MPHOSPH10: variants seen among roughly 807,000 people sequenced by gnomAD.
MPHOSPH10 encodes the protein U3 small nucleolar ribonucleoprotein MPP10.
In MPHOSPH10, 33 loss-of-function variants were observed where a neutral mutation model predicts 77.3. That is an observed-to-expected ratio of 0.43 (90% CI 0.32 to 0.57). The LOEUF (loss-of-function observed/expected upper bound fraction) is 0.57. Ranked by LOEUF, MPHOSPH10 falls within the 20% of genes least tolerant of loss-of-function variation. MPHOSPH10 has a pLI of 0.07. For missense variants in MPHOSPH10, 708 were observed against 780.1 expected (o/e 0.91, Z 1.10); for synonymous variants, 245 against 268.0 (o/e 0.91, Z 0.84).
intron 1 of MPHOSPH10, among the ~76,000 whole-genome samples, chr2:71,131,825 A>G (rs4302236): frequency 6.6e-6 from 1 of 152,226 alleles, no homozygotes; most frequent in African/African-American, 2.4e-5. Flanking sequence ...TGTAATGTTG[A>G]TTAATCAATT....
At chr2:71,143,165 C>T (rs566018765) in intron 7 of MPHOSPH10, among the ~76,000 whole-genome samples, 7 of 143,914 alleles carry the variant, frequency 4.9e-5, no homozygotes, top group East Asian at 2.0e-4. Flanking sequence ...TTTTTTGAGA[C>T]GGAGTCTTGC....
chr2:71,143,384 G>A (rs1014350025), intron 7 of MPHOSPH10, among the ~76,000 whole-genome samples: 12 of 151,982 alleles, frequency 7.9e-5, no homozygotes, highest in African/African-American at 2.9e-4. Context: ...TCCCGCCTCG[G>A]CCTCCCAAAG....
At chr2:71,146,325 T>C (rs1328975944) in intron 8 of MPHOSPH10, among the ~76,000 whole-genome samples, 2 of 146,358 alleles carry the variant, frequency 1.4e-5, no homozygotes, top group African/African-American at 2.5e-5. Flanking sequence ...CAGCCATTAT[T>C]TTTTGTGGCT....
chr2:71,137,169 A>AT (rs962555575), intron 4 of MPHOSPH10, among the ~76,000 whole-genome samples: 10 of 150,266 alleles, frequency 6.7e-5, no homozygotes, highest in Middle Eastern at 3.4e-3. Context: ...TTCATTTCTA[A>AT]TTTTTTTTTT....
chr2:71,137,243 AT>A (rs1411887559), intron 4 of MPHOSPH10, among the ~76,000 whole-genome samples: 1 of 152,140 alleles, frequency 6.6e-6, no homozygotes, highest in Non-Finnish European at 1.5e-5. Context: ...TGCATGCATC[AT>A]TCTAGAAACA....
At chr2:71,145,805 A>G (rs981944487) in intron 8 of MPHOSPH10, among the ~76,000 whole-genome samples, 3 of 152,104 alleles carry the variant, frequency 2.0e-5, no homozygotes, top group African/African-American at 7.2e-5. Context: ...GAGCAGGCCA[A>G]GTCCCTTGCG....
intron 8 of MPHOSPH10, among the ~76,000 whole-genome samples, chr2:71,147,565 C>G (rs1030578538): frequency 1.3e-5 from 2 of 151,662 alleles, no homozygotes; most frequent in Admixed American, 1.3e-4. Context: ...CCCAGCTACT[C>G]GGGAGGCTGA....
intron 3 of MPHOSPH10, 54 bp downstream of exon 3, chr2:71,134,159 G>T: frequency 6.6e-7 from 1 of 1,509,690 alleles, no homozygotes; most frequent in Non-Finnish European, 9.0e-7. Context: ...CCAATCATGT[G>T]TGTGTACTCG....
intron 7 of MPHOSPH10, among the ~76,000 whole-genome samples, chr2:71,143,597 C>T (rs549260079): frequency 2.0e-5 from 3 of 152,290 alleles, no homozygotes; most frequent in South Asian, 2.1e-4. Context: ...AAGCCCCATA[C>T]GCATTAAGCA....
At chr2:71,148,812 T>A (rs189399895) in intron 9 of MPHOSPH10, 1 of 197,930 alleles carries the variant, frequency 5.1e-6, no homozygotes, top group East Asian at 1.4e-4. Flanking sequence ...CCTTCCTCTG[T>A]TCCTTGGTCT....
chr2:71,147,150 A>G (rs923160009), intron 8 of MPHOSPH10, among the ~76,000 whole-genome samples: 70 of 152,300 alleles, frequency 4.6e-4, no homozygotes, highest in African/African-American at 1.7e-3. Flanking sequence ...TCAGTAGTCT[A>G]TTTTTGACTC....
At chr2:71,133,760 G>A (rs1673433205) in intron 2 of MPHOSPH10, among the ~76,000 whole-genome samples, 184 bp downstream of exon 2, 1 of 152,006 alleles carries the variant, frequency 6.6e-6, no homozygotes. Context: ...ATAATTTTGT[G>A]GTAGTGTTAT....
intron 4 of MPHOSPH10, among the ~76,000 whole-genome samples, chr2:71,135,003 C>T (rs1311739464): frequency 6.6e-6 from 1 of 152,070 alleles, no homozygotes; most frequent in Non-Finnish European, 1.5e-5. Context: ...CTTGTCTCTA[C>T]CAAAAATACA....
At chr2:71,144,267 C>A (rs1673667031) in intron 7 of MPHOSPH10, 161 bp from the exon 8 acceptor site, 2 of 574,426 alleles carry the variant, frequency 3.5e-6, no homozygotes, top group African/African-American at 3.8e-5. Flanking sequence ...GGTGCTGGAA[C>A]CCTCATGGTA....
chr2:71,130,874 C>T, intron 1 of MPHOSPH10, 120 bp downstream of exon 1: 1 of 952,712 alleles, frequency 1.0e-6, no homozygotes, highest in Non-Finnish European at 1.5e-6. Context: ...TCGCTTTTCC[C>T]CAAATTTCAG....
intron 2 of MPHOSPH10, 147 bp from the exon 3 acceptor site, chr2:71,133,797 TTTAG>T: frequency 1.2e-6 from 1 of 812,868 alleles, no homozygotes; most frequent in Non-Finnish European, 1.8e-6. Context: ...CTAATAATTA[TTTAG>T]TTATTAGTTT....
At chr2:71,136,227 A>G (rs1209584093) in intron 4 of MPHOSPH10, among the ~76,000 whole-genome samples, 1 of 152,222 alleles carries the variant, frequency 6.6e-6, no homozygotes, top group African/African-American at 2.4e-5. Context: ...TATCACAATA[A>G]AAATGAGAAT....
At chr2:71,141,429 C>T in intron 7 of MPHOSPH10, 60 bp downstream of exon 7, 1 of 1,308,958 alleles carries the variant, frequency 7.6e-7, no homozygotes, top group South Asian at 2.1e-5. Flanking sequence ...GAGAACTAGG[C>T]TTTTTGTGAC....
chr2:71,130,876 A>G, intron 1 of MPHOSPH10, 122 bp downstream of exon 1: 1 of 925,842 alleles, frequency 1.1e-6, no homozygotes, highest in Non-Finnish European at 1.6e-6. Flanking sequence ...GCTTTTCCCC[A>G]AATTTCAGAG....
Sources: gnomAD v4.1 joint callset for allele counts (sites outside exome capture counted in the v4.1 genomes callset) on GRCh38, gnomAD v4.1.1 for gene constraint, MANE v1.5 for transcripts, NCBI Gene and HGNC (gene_info 2026-07-23, HGNC 2026-07-21) for gene names.